The following GRK3 variants were observed in gnomAD, a reference collection of about 807,000 sequenced individuals.
GRK3 encodes the protein G protein-coupled receptor kinase 3, also known as adrenergic, beta, receptor kinase 2.
Under a neutral mutation model 95.7 loss-of-function variants are expected in GRK3, and 54 were observed. The ratio of observed to expected loss-of-function variants is 0.56; its 90% CI spans 0.45 to 0.71. The LOEUF (loss-of-function observed/expected upper bound fraction) is 0.71. GRK3 is among the 30% of genes least tolerant of loss of function. The pLI, the probability that GRK3 is intolerant of heterozygous loss-of-function variation, is 0.00. For missense variants in GRK3, 649 were observed against 851.2 expected, an observed-to-expected ratio of 0.76 and a Z score of 2.96; for synonymous variants, 281 against 290.8, an observed-to-expected ratio of 0.97 and a Z score of 0.34.
intron 1 of GRK3, among the ~76,000 whole-genome samples, chr22:25,575,421 A>G (rs1177754399): frequency 6.6e-6 from 1 of 152,172 alleles, no homozygotes; most frequent in Non-Finnish European, 1.5e-5. Flanking sequence ...CAGGAAACTT[A>G]TGCTCTAGAA....
chr22:25,637,112 A>G (rs2084707806), intron 2 of GRK3, among the ~76,000 whole-genome samples: 1 of 152,198 alleles, frequency 6.6e-6, no homozygotes, highest in Non-Finnish European at 1.5e-5. Flanking sequence ...TTGGGCATCT[A>G]TCTTCTCCTG....
intron 12 of GRK3, among the ~76,000 whole-genome samples, chr22:25,692,761 A>G (rs1265719298): frequency 6.6e-6 from 1 of 152,256 alleles, no homozygotes; most frequent in African/African-American, 2.4e-5. Context: ...CATGGCTGGT[A>G]TGCCATGGGG....
intron 2 of GRK3, among the ~76,000 whole-genome samples, chr22:25,644,359 A>G (rs2084765720): frequency 6.6e-6 from 1 of 152,018 alleles, no homozygotes; most frequent in Non-Finnish European, 1.5e-5. Flanking sequence ...GGCGGGGGTG[A>G]ACATGAATAG....
intron 15 of GRK3, among the ~76,000 whole-genome samples, chr22:25,708,477 C>T (rs1279034737): frequency 6.6e-6 from 1 of 152,026 alleles, no homozygotes; most frequent in Non-Finnish European, 1.5e-5. Context: ...GCTTGGGCTA[C>T]AGATTTAGGA....
At chr22:25,591,264 A>C (rs543791908) in intron 1 of GRK3, among the ~76,000 whole-genome samples, 1 of 152,232 alleles carries the variant, frequency 6.6e-6, no homozygotes, top group Non-Finnish European at 1.5e-5. Context: ...GAAGAGGTAC[A>C]TGGTGCAGGG....
chr22:25,704,901 C>G (rs1161986929), intron 15 of GRK3, among the ~76,000 whole-genome samples: 1 of 152,078 alleles, frequency 6.6e-6, no homozygotes, highest in East Asian at 1.9e-4. Flanking sequence ...ATTCTCCTGC[C>G]CCAAAACACT....
At chr22:25,647,695 A>G in intron 3 of GRK3, 2 of 1,365,662 alleles carry the variant, frequency 1.5e-6, no homozygotes, top group Non-Finnish European at 2.1e-6. Flanking sequence ...TATCCTGAGC[A>G]GTTATGTAGC....
At chr22:25,683,409 A>G (rs555463750) in intron 9 of GRK3, among the ~76,000 whole-genome samples, 1 of 152,362 alleles carries the variant, frequency 6.6e-6, no homozygotes, top group South Asian at 2.1e-4. Flanking sequence ...TCACTATGTC[A>G]GAAAGCTTGC....
chr22:25,695,015 C>A, intron 12 of GRK3, 92 bp from the exon 13 acceptor site: 1 of 781,792 alleles, frequency 1.3e-6, no homozygotes, highest in South Asian at 1.8e-5. Context: ...CAGTCGCTGC[C>A]ATCTAATGAA....
rs1224812557 is a variant in GRK3, at chr22:25,725,640, G to T, written c.*3190G>T. The T allele has an allele frequency of 5.0e-6, 2 of 398,350 alleles. No homozygotes were observed. Among genetic ancestry groups the T allele is most frequent in the Non-Finnish European group, 8.8e-6 (2 of 226,062 alleles). 24.7% of individuals were successfully genotyped at this position (398,350 alleles called of 1,614,324 possible). A position where few individuals can be genotyped will look rare whatever the true frequency, so the allele number is the denominator to read the frequency against. On this transcript the variant is annotated 3_prime_UTR_variant, in exon 21 of 21. Transcript: ENST00000324198. ...CCATTCACTGACGTGACAATTTCAG[G>T]TCCTATGTTTAAAAAGAAGGGGCTG... is the stretch of plus-strand genomic sequence containing the variant.
chr22:25,606,901 A>G (rs1158476737), intron 2 of GRK3, among the ~76,000 whole-genome samples: 1 of 152,248 alleles, frequency 6.6e-6, no homozygotes, highest in Non-Finnish European at 1.5e-5. Context: ...AGGGATAATA[A>G]TAGTTCAGGT....
rs987908739 is a variant in GRK3, at chr22:25,626,219, G to A, written c.191-18373G>A. Among the ~76,000 whole-genome samples the A allele has an allele frequency of 2.6e-5, 4 of 152,266 alleles. No homozygotes were observed. The East Asian group carries it at 5.8e-4, about 22-fold the overall frequency. On this transcript the variant is annotated intron_variant, in intron 2 of 20. Coordinates refer to ENST00000324198, the MANE Select transcript of GRK3 (RefSeq NM_005160.4). ...GCTGGGATTACAGGCGTGAGCCACC[G>A]CGCCAGGCCGATGATGATTCTCTTA... is the stretch of plus-strand genomic sequence containing the variant.
At chr22:25,584,108 G>A (rs905496074) in intron 1 of GRK3, among the ~76,000 whole-genome samples, 1 of 152,178 alleles carries the variant, frequency 6.6e-6, no homozygotes, top group Non-Finnish European at 1.5e-5. Context: ...AAATCTTTGG[G>A]AGTACTTTTT....
chr22:25,569,387 G>A (rs181762508), intron 1 of GRK3, among the ~76,000 whole-genome samples: 118 of 151,562 alleles, frequency 7.8e-4, no homozygotes, highest in Non-Finnish European at 1.3e-3. Flanking sequence ...AGAAATGGAT[G>A]TTCCGGTGAA....
chr22:25,673,550 C>T (rs372172913), intron 7 of GRK3, among the ~76,000 whole-genome samples: 4 of 151,816 alleles, frequency 2.6e-5, no homozygotes, highest in African/African-American at 9.7e-5. Flanking sequence ...GCTTCTGCCT[C>T]GGGAGACCCT....
chr22:25,632,157 C>T (rs1225262321), intron 2 of GRK3, among the ~76,000 whole-genome samples: 1 of 152,184 alleles, frequency 6.6e-6, no homozygotes, highest in Non-Finnish European at 1.5e-5. Flanking sequence ...AATTGCATTC[C>T]TACTAGCAGT....
chr22:25,720,927 A>C (rs934229392), intron 19 of GRK3, among the ~76,000 whole-genome samples: 5 of 152,270 alleles, frequency 3.3e-5, no homozygotes, highest in African/African-American at 1.2e-4. Flanking sequence ...CACATAAATC[A>C]TATGTGGCTC....
chr22:25,727,763 A>C lies in GRK3; in HGVS notation c.*5313A>C, dbSNP rs535360323. ...CCTAAATATCAGATGTCTTTGATGT[A>C]AGGGTAGGGAATGGAGAAATATTTT... On this transcript the variant is annotated 3_prime_UTR_variant, in exon 21 of 21. Transcript: ENST00000324198. 5.3e-5 allele frequency: 8 copies of C among 152,332 alleles called. No homozygotes were observed. Among genetic ancestry groups the C allele is most frequent in the African/African-American group, 1.7e-4 (7 of 41,586 alleles). 9.4% of individuals were successfully genotyped at this position (152,332 alleles called of 1,614,324 possible).
rs1210166572 is a variant in GRK3 at position 25,697,263 on chromosome 22, A to AT, written c.1160+2055dup. On this transcript the variant is annotated intron_variant, in intron 13 of 20. Transcript: ENST00000324198. ...GGAGGATTTGCTGTAACACTGCTTC[A>AT]TTTTTTAAAAGACTAGAGGGTTTTG... 5.9e-5 allele frequency among the ~76,000 whole-genome samples: 9 copies of AT among 152,326 alleles called. No homozygotes were observed. The East Asian group carries it at 1.7e-3, about 29-fold the overall frequency.
Sources: allele counts gnomAD v4.1 joint callset (sites outside exome capture counted in the v4.1 genomes callset), GRCh38; gene constraint gnomAD v4.1.1; transcripts MANE v1.5; gene names NCBI Gene and HGNC (gene_info 2026-07-23, HGNC 2026-07-21).